BRI3BP: variants seen among roughly 807,000 people sequenced by gnomAD.
BRI3BP encodes BRI3-binding protein.
In BRI3BP, 7 loss-of-function variants were observed where a neutral mutation model predicts 15.8. That is an observed-to-expected ratio of 0.44 (90% CI 0.25 to 0.83). The LOEUF (loss-of-function observed/expected upper bound fraction) is 0.83, where lower values mean the gene tolerates loss of function less well. Among genes scored for constraint, BRI3BP ranks in the 40% least tolerant of loss-of-function variants. BRI3BP has a pLI of 0.20. For synonymous variants in BRI3BP, 192 were observed against 163.5 expected, an observed-to-expected ratio of 1.17 and a Z score of -1.33; for missense variants, 320 against 339.3, an observed-to-expected ratio of 0.94 and a Z score of 0.45.
At chr12:125,020,504 G>C (rs150570038) in intron 2 of BRI3BP, among the ~76,000 whole-genome samples, 121 of 152,312 alleles carry the variant, frequency 7.9e-4, no homozygotes, top group African/African-American at 2.6e-3. Context: ...TTCAACATAG[G>C]AATTTTGTGG....
chr12:125,021,308 G>A (rs1330408525), intron 2 of BRI3BP, among the ~76,000 whole-genome samples: 3 of 152,184 alleles, frequency 2.0e-5, no homozygotes, highest in Admixed American at 1.3e-4. Flanking sequence ...TGTTCACGCC[G>A]TAGGTGTCGT....
intron 1 of BRI3BP, among the ~76,000 whole-genome samples, chr12:125,001,429 G>A (rs1028849608): frequency 6.6e-6 from 1 of 151,982 alleles, no homozygotes; most frequent in Non-Finnish European, 1.5e-5. Flanking sequence ...GCGCAGTCTC[G>A]GCTCGGTGCA....
the BRI3BP span, among the ~76,000 whole-genome samples, chr12:125,040,698 GTTTATC>G: frequency 6.6e-6 from 1 of 151,474 alleles, no homozygotes; most frequent in African/African-American, 2.4e-5. Context: ...CATGGAATGG[GTTTATC>G]TTTGTTATTT....
At chr12:125,034,104 T>C (rs764421251), downstream of BRI3BP, among the ~76,000 whole-genome samples, 16 of 151,392 alleles carry the variant, frequency 1.1e-4, no homozygotes, top group Admixed American at 2.6e-4. Flanking sequence ...TGGAGTGCAA[T>C]GGCACAATCT....
At chr12:125,034,923 A>G (rs118072183), downstream of BRI3BP, among the ~76,000 whole-genome samples, 356 of 152,214 alleles carry the variant, frequency 2.3e-3, 6 homozygotes, top group East Asian at 0.026. Flanking sequence ...TGTAAATGGG[A>G]TGAAACAGCA....
At chr12:125,000,904 T>C (rs1386172549) in intron 1 of BRI3BP, among the ~76,000 whole-genome samples, 5 of 152,202 alleles carry the variant, frequency 3.3e-5, no homozygotes, top group African/African-American at 9.7e-5. Context: ...CAGTATTTTG[T>C]AACAGATAGT....
downstream of BRI3BP, among the ~76,000 whole-genome samples, chr12:125,032,536 G>A (rs1177470648): frequency 2.0e-5 from 3 of 152,246 alleles, no homozygotes; most frequent in African/African-American, 7.2e-5. Flanking sequence ...GGGAGGCCAA[G>A]GCAGGTGAAT....
the BRI3BP span, among the ~76,000 whole-genome samples, chr12:125,043,654 C>G: frequency 6.6e-6 from 1 of 151,692 alleles, no homozygotes; most frequent in South Asian, 2.1e-4. Context: ...GTCAGGAGTT[C>G]GAGACCAGCC....
rs1444002774 is a variant in BRI3BP, at chr12:124,993,748, G to T, written c.-43G>T. The T allele has an allele frequency of 2.1e-6, 2 of 971,824 alleles. No individual in the cohort carries two copies. The highest frequency in any genetic ancestry group is 5.2e-4 in the Middle Eastern group (1 of 1,934). The allele number at this position is 971,824 out of a possible 1,614,324, so 60.2% of individuals were successfully genotyped here. The stretch of plus-strand genomic sequence containing the variant: ...CGGAGCCCGCTGCGGCCCAGCGCAC[G>T]GCCCTCACCCCGCATCGCGACCCCG... On this transcript the variant is annotated 5_prime_UTR_variant, in exon 1 of 3. Coordinates refer to ENST00000341446, the MANE Select transcript of BRI3BP (RefSeq NM_080626.6).
In BRI3BP at chr12:125,025,254, G is replaced by A. The variant is rs372772650; in HGVS notation, c.580G>A (p.Val194Ile). The change falls in exon 3 of 3, where the codon GTC becomes ATC. Residue 194 changes from valine (V) to isoleucine (I), a missense_variant. Coordinates refer to ENST00000341446, the MANE Select transcript of BRI3BP (RefSeq NM_080626.6). ...GCTGCCGCTGTGCTTCGTGGTGGCC[G>A]TCTACTTCATGACCGGGCCCATGGG... is the stretch of plus-strand genomic sequence containing the variant. ...AVLPLCFVVA[V>I]YFMTGPMGFY... is the part of the protein sequence containing the mutation. 1.1e-5 allele frequency: 18 copies of A among 1,613,956 alleles called. No individual in the cohort carries two copies. Among genetic ancestry groups the A allele is most frequent in the Non-Finnish European group, 1.5e-5 (18 of 1,180,030 alleles).
chr12:125,029,373 A>C lies in BRI3BP; in HGVS notation c.*3943A>C, dbSNP rs1361627726. On this transcript the variant is annotated 3_prime_UTR_variant, in exon 3 of 3. Coordinates refer to ENST00000341446, the MANE Select transcript of BRI3BP (RefSeq NM_080626.6). ...TACCAAAAAATACAAAAAAAAAAAA[A>C]AAAAAAAAAATAGCCAGGTGTGGTG... The C allele has an allele frequency of 6.7e-6, 1 of 149,728 alleles. No homozygotes were observed. Among genetic ancestry groups the C allele is most frequent in the Non-Finnish European group, 1.5e-5 (1 of 67,388 alleles). 9.3% of individuals were successfully genotyped at this position (149,728 alleles called of 1,614,324 possible). A position where few individuals can be genotyped will look rare whatever the true frequency, so the allele number is the denominator to read the frequency against.
At chr12:125,039,951 A>G in the BRI3BP span, among the ~76,000 whole-genome samples, 1 of 152,224 alleles carries the variant, frequency 6.6e-6, no homozygotes, top group South Asian at 2.1e-4. Flanking sequence ...CTTTAGCTAC[A>G]TATCAGAGAT....
chr12:125,043,879 G>A, the BRI3BP span, among the ~76,000 whole-genome samples: 2 of 151,998 alleles, frequency 1.3e-5, no homozygotes, highest in African/African-American at 4.8e-5. Flanking sequence ...ATAAAAATTA[G>A]CCAGGCGTGA....
intron 1 of BRI3BP, among the ~76,000 whole-genome samples, chr12:125,001,288 C>T (rs1955088900): frequency 6.6e-6 from 1 of 152,244 alleles, no homozygotes; most frequent in Non-Finnish European, 1.5e-5. Context: ...GATCTCCTGA[C>T]CTCGTGATCT....
At chr12:125,001,008 G>A (rs148512039) in intron 1 of BRI3BP, among the ~76,000 whole-genome samples, 1 of 152,232 alleles carries the variant, frequency 6.6e-6, no homozygotes, top group East Asian at 1.9e-4. Context: ...GTCTGTCAGA[G>A]TTTCCTCACT....
chr12:125,024,258 A>ACCC lies in BRI3BP; in HGVS notation c.317-725_317-723dup, dbSNP rs67780786. ...CACTTAAACCATCAGATCTCATGAA[A>ACCC]CCCCCCCCCCTCCACTGTCACAAGA... On this transcript the variant is annotated intron_variant, in intron 2 of 2. Transcript: ENST00000341446. Among the ~76,000 whole-genome samples the ACCC allele has an allele frequency of 8.9e-5, 12 of 135,048 alleles. No individual in the cohort carries two copies. The East Asian group carries it at 2.0e-3, about 22-fold the overall frequency. 88.6% of individuals were successfully genotyped at this position (135,048 alleles called of 152,430 possible).
At chr12:125,002,551 G>C (rs540018150) in intron 1 of BRI3BP, among the ~76,000 whole-genome samples, 2 of 151,778 alleles carry the variant, frequency 1.3e-5, no homozygotes, top group Non-Finnish European at 2.9e-5. Context: ...CCGCCTCCGG[G>C]GTTCACGCCA....
chr12:125,003,864 A>T (rs1955117370), intron 1 of BRI3BP, among the ~76,000 whole-genome samples: 1 of 151,876 alleles, frequency 6.6e-6, no homozygotes, highest in South Asian at 2.1e-4. Flanking sequence ...GAGGCAGGAG[A>T]ATTGCTTGAG....
the BRI3BP span, among the ~76,000 whole-genome samples, chr12:125,048,735 A>T: frequency 6.6e-6 from 1 of 152,004 alleles, no homozygotes; most frequent in Non-Finnish European, 1.5e-5. Flanking sequence ...TTAAAAAAAA[A>T]AGAAATTCGG....
Sources: allele counts gnomAD v4.1 joint callset (sites outside exome capture counted in the v4.1 genomes callset), GRCh38; gene constraint gnomAD v4.1.1; transcripts MANE v1.5; gene names NCBI Gene and HGNC (gene_info 2026-07-23, HGNC 2026-07-21).